The following ME1 variants were observed in gnomAD, a reference collection of about 807,000 sequenced individuals.
ME1 encodes NADP-dependent malic enzyme.
In ME1, 74 loss-of-function variants were observed where a neutral mutation model predicts 66.4. That is an observed-to-expected ratio of 1.11 (90% CI 0.92 to 1.35). The LOEUF (loss-of-function observed/expected upper bound fraction) is 1.35. Ranked by LOEUF, ME1 falls within the 40% of genes most tolerant of loss-of-function variation. ME1 has a pLI of 0.00. For synonymous variants in ME1, 251 were observed against 235.6 expected (o/e 1.07, Z -0.60); for missense variants, 750 against 694.1 (o/e 1.08, Z -0.90).
intron 6 of ME1, among the ~76,000 whole-genome samples, chr6:83,303,625 G>A (rs1230084993): frequency 1.3e-5 from 2 of 152,124 alleles, no homozygotes; most frequent in Non-Finnish European, 2.9e-5. Context: ...GACTCATAAT[G>A]ATCACAAGCA....
intron 6 of ME1, among the ~76,000 whole-genome samples, chr6:83,273,176 C>CA (rs67482208): frequency 0.11 from 7,357 of 69,780 alleles, 681 homozygotes; most frequent in African/African-American, 0.22. Flanking sequence ...GACTCTGCCT[C>CA]AAAAAAAAAA....
At position 83,398,471 on chromosome 6, in the gene ME1, A is replaced by T; in HGVS notation, c.258T>A (p.Phe86Leu). 2 of 1,584,898 alleles carry T rather than the reference A, an allele frequency of 1.3e-6. No individual in the cohort carries two copies. Among genetic ancestry groups the T allele is most frequent in the Non-Finnish European group, 1.7e-6 (2 of 1,161,656 alleles). Residue 86 changes from phenylalanine to leucine, a missense_variant, in exon 3 of 14, where the codon TTT becomes TTA. Phe to Leu is a conservative substitution (Grantham distance 22, BLOSUM62 0). Coordinates refer to ENST00000369705, the MANE Select transcript of ME1 (RefSeq NM_002395.6). ...MDLQDRNEKL[F>L]YRVLTSDIEK... ...CAATGTCAGATGTCAGCACTCTATAAAAGAGTTTTTCATTTCTATCTTGGA... is the reference window on the plus strand; with the variant it reads ...CAATGTCAGATGTCAGCACTCTATATAAGAGTTTTTCATTTCTATCTTGGA...
At chr6:83,426,832 G>A (rs1770381872) in intron 1 of ME1, among the ~76,000 whole-genome samples, 1 of 152,028 alleles carries the variant, frequency 6.6e-6, no homozygotes, top group African/African-American at 2.4e-5. Flanking sequence ...TTTACTTATG[G>A]GTCATGTTAT....
At chr6:83,418,015 G>A (rs138809359) in intron 1 of ME1, among the ~76,000 whole-genome samples, 1 of 152,118 alleles carries the variant, frequency 6.6e-6, no homozygotes, top group South Asian at 2.1e-4. Context: ...TGTTGCAGAG[G>A]ACTGTTTCAG....
At chr6:83,369,573 C>T (rs1769156362) in intron 3 of ME1, among the ~76,000 whole-genome samples, 1 of 151,662 alleles carries the variant, frequency 6.6e-6, no homozygotes, top group African/African-American at 2.4e-5. Flanking sequence ...TTGGAGTGAG[C>T]CATGATCATG....
intron 4 of ME1, among the ~76,000 whole-genome samples, chr6:83,351,234 A>C (rs1442012901): frequency 1.3e-5 from 2 of 152,136 alleles, no homozygotes; most frequent in African/African-American, 2.4e-5. Flanking sequence ...GTCTCTAAAA[A>C]AATTAAAATA....
chr6:83,374,671 A>G (rs1362093133), intron 3 of ME1, among the ~76,000 whole-genome samples: 1 of 152,222 alleles, frequency 6.6e-6, no homozygotes, highest in Non-Finnish European at 1.5e-5. Context: ...ATCTTTGCAC[A>G]TGCCTATGTC....
intron 3 of ME1, among the ~76,000 whole-genome samples, chr6:83,374,014 T>A (rs9766300): frequency 0.33 from 49,663 of 152,078 alleles, 8,480 homozygotes; most frequent in Middle Eastern, 0.5. Flanking sequence ...CTATCATTGA[T>A]GACCATTTGG....
chr6:83,297,993 T>C (rs1426730761), intron 6 of ME1, among the ~76,000 whole-genome samples: 7 of 152,376 alleles, frequency 4.6e-5, no homozygotes, highest in South Asian at 2.1e-4. Flanking sequence ...TCACTACCTT[T>C]GCTATTGTGA....
chr6:83,235,578 C>A (rs1212468622), intron 9 of ME1, among the ~76,000 whole-genome samples: 4 of 150,014 alleles, frequency 2.7e-5, no homozygotes, highest in Non-Finnish European at 5.9e-5. Flanking sequence ...TTACACCATT[C>A]TCCTGCCTCA....
chr6:83,325,702 G>A (rs894338622), intron 5 of ME1, among the ~76,000 whole-genome samples: 3 of 151,142 alleles, frequency 2.0e-5, no homozygotes, highest in African/African-American at 4.9e-5. Flanking sequence ...ACCACTGCTC[G>A]AGGAAATAAG....
chr6:83,426,117 A>C (rs1207920250), intron 1 of ME1, among the ~76,000 whole-genome samples: 1 of 152,296 alleles, frequency 6.6e-6, no homozygotes, highest in East Asian at 1.9e-4. Flanking sequence ...CCCAGATGCT[A>C]TATCACACAG....
At chr6:83,384,878 G>A (rs1435542193) in intron 3 of ME1, among the ~76,000 whole-genome samples, 2 of 151,900 alleles carry the variant, frequency 1.3e-5, no homozygotes, top group African/African-American at 4.8e-5. Context: ...TTATTGAATA[G>A]GGAGTCCTTT....
chr6:83,250,258 AT>A (rs1442187796), intron 7 of ME1, among the ~76,000 whole-genome samples: 1 of 152,080 alleles, frequency 6.6e-6, no homozygotes, highest in East Asian at 1.9e-4. Flanking sequence ...TGAAAATAAC[AT>A]TTATTTCAAA....
chr6:83,430,779 G>T, intron 1 of ME1, 98 bp downstream of exon 1: 1 of 1,077,078 alleles, frequency 9.3e-7, no homozygotes, highest in Non-Finnish European at 1.3e-6. Context: ...TCCCAGGGGA[G>T]CGGCGGAGGG....
At chr6:83,315,075 G>A (rs1346634026) in intron 6 of ME1, among the ~76,000 whole-genome samples, 1 of 151,788 alleles carries the variant, frequency 6.6e-6, no homozygotes, top group African/African-American at 2.4e-5. Flanking sequence ...AGGTTCTAAA[G>A]GTTCTTGTAA....
Position 83,211,955 on chromosome 6 carries a change from A to C in ME1, c.1688T>G (p.Val563Gly). Residue 563 changes from valine to glycine, a missense_variant, in exon 14 of 14, where the codon GTG (valine) becomes GGG (glycine). Val to Gly is a moderately radical substitution (Grantham distance 109). Coordinates refer to ENST00000369705, the MANE Select transcript of ME1 (RefSeq NM_002395.6). ...LPDCYSWPEE[V>G]QKIQTKVDQ ...GTCAACTTTGGTCTGTATTTTCTGC[A>C]CCTCTTCAGGCCAAGAATAACAATC... The C allele has an allele frequency of 6.2e-7, 1 of 1,605,868 alleles. No homozygotes were observed. Among genetic ancestry groups the C allele is most frequent in the Non-Finnish European group, 8.5e-7 (1 of 1,175,378 alleles).
At chr6:83,414,947 T>C (rs1770130634) in intron 1 of ME1, among the ~76,000 whole-genome samples, 1 of 152,198 alleles carries the variant, frequency 6.6e-6, no homozygotes, top group African/African-American at 2.4e-5. Flanking sequence ...AGTAAATACC[T>C]GAAACTAGCA....
Position 83,431,047 on chromosome 6 carries a change from C to A in ME1, c.-93G>T. On this transcript the variant is annotated 5_prime_UTR_variant, in exon 1 of 14. Coordinates refer to ENST00000369705, the MANE Select transcript of ME1 (RefSeq NM_002395.6). The stretch of plus-strand genomic sequence containing the variant: ...GCTGCTGGGGTGACGGTGCTGACTG[C>A]AGCTGTGGCGGCGGCGGCCGCACTG... The A allele has an allele frequency of 1.3e-6, 1 of 763,198 alleles. No homozygotes were observed. 47.3% of individuals were successfully genotyped at this position (763,198 alleles called of 1,614,324 possible). A position where few individuals can be genotyped will look rare whatever the true frequency, so the allele number is the denominator to read the frequency against.
Sources: gnomAD v4.1 joint callset for allele counts (sites outside exome capture counted in the v4.1 genomes callset) on GRCh38, gnomAD v4.1.1 for gene constraint, MANE v1.5 for transcripts, NCBI Gene and HGNC (gene_info 2026-07-23, HGNC 2026-07-21) for gene names.